MAP3K4: variants seen among roughly 807,000 people sequenced by gnomAD.
MAP3K4 encodes the protein MAP three kinase 1.
Under a neutral mutation model 185.6 loss-of-function variants are expected in MAP3K4, and 67 were observed. The observed-to-expected ratio is 0.36, with a 90% CI of 0.30 to 0.44. The LOEUF (loss-of-function observed/expected upper bound fraction) is 0.44, where lower values mean the gene tolerates loss of function less well. Ranked by LOEUF, MAP3K4 falls within the 20% of genes least tolerant of loss-of-function variation. MAP3K4 has a pLI of 1.00. For synonymous variants in MAP3K4, 702 were observed against 710.4 expected (o/e 0.99, Z 0.19); for missense variants, 1,551 against 1,995.1 (o/e 0.78, Z 4.24).
At position 161,051,185 on chromosome 6, in the gene MAP3K4, T is replaced by A. The variant is rs1189920223; in HGVS notation, c.1707+1206T>A. On this transcript the variant is annotated intron_variant, in intron 3 of 26. Transcript: ENST00000392142. The surrounding 1 kb of genome is among the most constrained non-coding windows in gnomAD (Gnocchi z 4.2). ...ATCTGCAGTTGGTTGAATTCATGGATGTGGAACCCACGGATATGGAGAGCC... is the reference window on the plus strand; with the variant it reads ...ATCTGCAGTTGGTTGAATTCATGGAAGTGGAACCCACGGATATGGAGAGCC... 6.6e-6 allele frequency among the ~76,000 whole-genome samples: 1 copy of A among 152,268 alleles called. No homozygotes were observed. Among genetic ancestry groups the A allele is most frequent in the African/African-American group, 2.4e-5 (1 of 41,476 alleles).
rs980672737 is a variant in MAP3K4, at chr6:161,075,836, G to C, written c.2097+2224G>C. ...TCTCTTCTTACAGATGAAAAAACTA[G>C]AGACTGTCAGTGTTTTAAAATTATG... is the stretch of plus-strand genomic sequence containing the variant. On this transcript the variant is annotated intron_variant, in intron 5 of 26. Transcript: ENST00000392142. This position sits in a 1 kb window ranked among gnomAD's most constrained non-coding sequence, Gnocchi z 4.3. Among the ~76,000 whole-genome samples, 4 of 152,272 alleles carry C rather than the reference G, an allele frequency of 2.6e-5. 1 individual carries two copies. In the South Asian group the frequency reaches 8.3e-4, roughly 32 times the overall value.
intron 2 of MAP3K4, among the ~76,000 whole-genome samples, chr6:161,046,572 CTA>C: frequency 6.6e-6 from 1 of 151,646 alleles, no homozygotes; most frequent in East Asian, 1.9e-4. Context: ...CAAAAAATCT[CTA>C]TGGACAGATT....
In MAP3K4 at chr6:161,076,708, C is replaced by T. The variant is rs3778219; in HGVS notation, c.2097+3096C>T. Among the ~76,000 whole-genome samples, 8,962 of 152,200 alleles carry T rather than the reference C, an allele frequency of 0.059. 419 individuals carry two copies. The highest frequency in any genetic ancestry group is 0.25 in the East Asian group (1,314 of 5,166). On this transcript the variant is annotated intron_variant, in intron 5 of 26. Coordinates refer to ENST00000392142, the MANE Select transcript of MAP3K4 (RefSeq NM_005922.4). This position sits in a 1 kb window ranked among gnomAD's most constrained non-coding sequence, Gnocchi z 4.2. ...AGATGTGGTAGTTGTAGAAGAGACA[C>T]AAGAGAGCTCACATGTACACAATTT...
At chr6:161,081,152 A>T (rs1330385719) in intron 6 of MAP3K4, 114 bp downstream of exon 6, 1 of 1,174,088 alleles carries the variant, frequency 8.5e-7, no homozygotes, top group African/African-American at 1.6e-5. Flanking sequence ...AATTGCAGTT[A>T]TCCATATCTC....
At position 161,115,580 on chromosome 6, in the gene MAP3K4, T is replaced by G. The variant is rs1483070501; in HGVS notation, c.4806+278T>G. Reference sequence around the variant, plus strand: ...GACTGGATGAAAGAGTTTCCACTCTTGAGAGTGTATAGTCTACTTGGAGGG... The same window carrying G: ...GACTGGATGAAAGAGTTTCCACTCTGGAGAGTGTATAGTCTACTTGGAGGG... On this transcript the variant is annotated intron_variant, in intron 26 of 26. Coordinates refer to ENST00000392142, the MANE Select transcript of MAP3K4 (RefSeq NM_005922.4). The surrounding 1 kb of genome is among the most constrained non-coding windows in gnomAD (Gnocchi z 6.0). Among the ~76,000 whole-genome samples, 1 of 152,172 alleles carries G rather than the reference T, an allele frequency of 6.6e-6. No individual in the cohort carries two copies. Among genetic ancestry groups the G allele is most frequent in the Non-Finnish European group, 1.5e-5 (1 of 68,032 alleles).
At chr6:161,047,346 G>A (rs1054712088) in intron 2 of MAP3K4, among the ~76,000 whole-genome samples, 29 of 151,370 alleles carry the variant, frequency 1.9e-4, no homozygotes, top group African/African-American at 5.3e-4. Flanking sequence ...AGGCTGAGGC[G>A]GGAGGATCAC....
intron 1 of MAP3K4, among the ~76,000 whole-genome samples, chr6:161,021,884 C>T (rs1466143188): frequency 6.6e-6 from 1 of 151,828 alleles, no homozygotes; most frequent in African/African-American, 2.4e-5. Context: ...TGTGTATTTT[C>T]ACCTGTAAGT....
chr6:161,038,398 A>G (rs1783283484), intron 2 of MAP3K4, among the ~76,000 whole-genome samples: 1 of 152,202 alleles, frequency 6.6e-6, no homozygotes, highest in Non-Finnish European at 1.5e-5. Flanking sequence ...CCCCCTCAGT[A>G]TTTTGAGGAG....
chr6:161,087,349 T>C lies in MAP3K4; in HGVS notation c.2557-339T>C, dbSNP rs969405361. On this transcript the variant is annotated intron_variant, in intron 9 of 26. Coordinates refer to ENST00000392142, the MANE Select transcript of MAP3K4 (RefSeq NM_005922.4). The surrounding 1 kb of genome is among the most constrained non-coding windows in gnomAD (Gnocchi z 4.9). ...CCTTTTTCCCAAGCCAGGTGACTTT[T>C]TGTAAGCATCACAAACTAGCAGTGG... Among the ~76,000 whole-genome samples, 1 of 152,226 alleles carries C rather than the reference T, an allele frequency of 6.6e-6. No homozygotes were observed. Among genetic ancestry groups the C allele is most frequent in the Non-Finnish European group, 1.5e-5 (1 of 68,032 alleles).
chr6:161,035,758 C>T (rs1783135860), intron 2 of MAP3K4, among the ~76,000 whole-genome samples: 1 of 152,170 alleles, frequency 6.6e-6, no homozygotes, highest in Non-Finnish European at 1.5e-5. Context: ...GTAGCATCTA[C>T]TGAATCAACA....
intron 1 of MAP3K4, chr6:160,992,473 G>T: frequency 4.3e-6 from 1 of 233,900 alleles, no homozygotes; most frequent in Non-Finnish European, 8.2e-6. Flanking sequence ...CCTCCCCTCT[G>T]CCCTCATTCG....
rs1785860652 is a variant in MAP3K4, at chr6:161,088,591, G to T, written c.2823+637G>T. Among the ~76,000 whole-genome samples the T allele has an allele frequency of 6.6e-6, 1 of 152,290 alleles. No homozygotes were observed. On this transcript the variant is annotated intron_variant, in intron 10 of 26. Coordinates refer to ENST00000392142, the MANE Select transcript of MAP3K4 (RefSeq NM_005922.4). The surrounding 1 kb of genome is among the most constrained non-coding windows in gnomAD (Gnocchi z 4.5). ...GTTCACTCACATGTTTAAACCAGAA[G>T]TGTGACAGCTAATATAAATTCAGCC...
Position 161,037,538 on chromosome 6 carries a change from C to T in MAP3K4, c.343+3089C>T, listed in dbSNP as rs1783226865. On this transcript the variant is annotated intron_variant, in intron 2 of 26. Transcript: ENST00000392142. This position sits in a 1 kb window ranked among gnomAD's most constrained non-coding sequence, Gnocchi z 4.2. ...GGTTCAAGCAATTCTCCTGCCTCAC[C>T]CTCCCGAGTAGCTAGGACTACAGGC... Among the ~76,000 whole-genome samples, 1 of 152,154 alleles carries T rather than the reference C, an allele frequency of 6.6e-6. No individual in the cohort carries two copies. The highest frequency in any genetic ancestry group is 2.1e-4 in the South Asian group (1 of 4,830).
At chr6:161,042,698 A>G (rs1349840223) in intron 2 of MAP3K4, among the ~76,000 whole-genome samples, 4 of 152,214 alleles carry the variant, frequency 2.6e-5, no homozygotes, top group African/African-American at 9.7e-5. Context: ...ATATAGCAGA[A>G]GGAAGTACAT....
intron 11 of MAP3K4, among the ~76,000 whole-genome samples, chr6:161,089,954 A>G (rs1487563932): frequency 6.6e-6 from 1 of 152,210 alleles, no homozygotes. Flanking sequence ...GACAAGCCCC[A>G]GCCTGGCTGT....
chr6:160,999,769 A>G (rs1465655550), intron 1 of MAP3K4, among the ~76,000 whole-genome samples: 1 of 152,200 alleles, frequency 6.6e-6, no homozygotes, highest in East Asian at 1.9e-4. Flanking sequence ...GCTTAAGCCC[A>G]TGTGCACAGT....
chr6:161,089,234 T>C, intron 10 of MAP3K4, 88 bp from the exon 11 acceptor site: 1 of 1,406,100 alleles, frequency 7.1e-7, no homozygotes, highest in Admixed American at 2.0e-5. Context: ...ATCCCTGAGA[T>C]TGGCATTGTT....
At chr6:161,020,265 C>CTTTGTTTG (rs58355990) in intron 1 of MAP3K4, among the ~76,000 whole-genome samples, 67 of 151,592 alleles carry the variant, frequency 4.4e-4, no homozygotes, top group Non-Finnish European at 6.0e-4. Context: ...ATGGACTTTT[C>CTTTGTTTG]TTTGTTTGTT....
chr6:160,997,881 G>A (rs907152049), intron 1 of MAP3K4, among the ~76,000 whole-genome samples: 29 of 152,196 alleles, frequency 1.9e-4, no homozygotes, highest in Middle Eastern at 3.4e-3. Context: ...AGAGAAACGC[G>A]CATTTTACTG....
Sources: gnomAD v4.1 joint callset for allele counts (sites outside exome capture counted in the v4.1 genomes callset) on GRCh38, gnomAD v4.1.1 for gene constraint, Gnocchi (gnomAD v3.1) non-coding constraint, MANE v1.5 for transcripts, NCBI Gene and HGNC (gene_info 2026-07-23, HGNC 2026-07-21) for gene names.